The following CLGN variants were observed in gnomAD, a reference collection of about 807,000 sequenced individuals.
The protein encoded by CLGN is calmegin, also known as testis tissue sperm-binding protein Li 79P.
A neutral mutation model predicts 79.1 loss-of-function variants in CLGN; 62 were observed. That is an observed-to-expected ratio of 0.78 (90% CI 0.64 to 0.97). CLGN has a LOEUF of 0.97. Among genes scored for constraint, CLGN ranks in the 50% least tolerant of loss-of-function variants. The probability of loss-of-function intolerance (pLI) is 0.00; values close to 1 mark genes in which losing one functional copy is unlikely to be tolerated. For synonymous variants in CLGN, 225 were observed against 224.7 expected (o/e 1.00, Z -0.01); for missense variants, 647 against 715.5 (o/e 0.90, Z 1.09).
At chr4:140,405,217 C>T (rs1471548087) in intron 5 of CLGN, among the ~76,000 whole-genome samples, 2 of 134,372 alleles carry the variant, frequency 1.5e-5, no homozygotes, top group Non-Finnish European at 3.1e-5. Flanking sequence ...CGGAGTCTCG[C>T]TCTGTCGCCC....
At chr4:140,418,927 A>C (rs1729402690) in intron 1 of CLGN, among the ~76,000 whole-genome samples, 3 of 152,336 alleles carry the variant, frequency 2.0e-5, no homozygotes, top group South Asian at 4.1e-4. Flanking sequence ...GGCATTATTC[A>C]CAATAGCAAA....
intron 3 of CLGN, among the ~76,000 whole-genome samples, chr4:140,410,172 G>A (rs534064432): frequency 6.4e-4 from 98 of 151,986 alleles, no homozygotes; most frequent in African/African-American, 2.2e-3. Context: ...ATTAAATATG[G>A]TAATTATCTA....
At position 140,417,049 on chromosome 4, in the gene CLGN, C is replaced by T. The variant is rs1193230096; in HGVS notation, c.-9-3962G>A. Among the ~76,000 whole-genome samples, 462 of 150,152 alleles carry T rather than the reference C, an allele frequency of 3.1e-3. 1 individual carries two copies. Among genetic ancestry groups the T allele is most frequent in the Non-Finnish European group, 5.4e-3 (366 of 67,410 alleles). On this transcript the variant is annotated intron_variant, in intron 1 of 14. Transcript: ENST00000325617. ...TGGGATGCAAGGCTGGTTCAATATA[C>T]GCAAATCAATAAATGTAATCCAGCA...
At chr4:140,416,491 T>A (rs1158834487) in intron 1 of CLGN, among the ~76,000 whole-genome samples, 1 of 152,060 alleles carries the variant, frequency 6.6e-6, no homozygotes, top group East Asian at 1.9e-4. Context: ...AAGAATCTAA[T>A]AGACGCAGCA....
chr4:140,392,264 G>A lies in CLGN; in HGVS notation c.1606C>T (p.Leu536=), dbSNP rs1728787287. ...EKAALEKPMD[L]EEEKKQNDGE... Reference sequence around the variant, plus strand: ...TCATTTTGCTTTTTTTCCTCTTCCAGGTCCATTGGTTTTTCCAGGGCTGCT... The same window carrying A: ...TCATTTTGCTTTTTTTCCTCTTCCAAGTCCATTGGTTTTTCCAGGGCTGCT... Residue 536 remains leucine (L), a synonymous_variant, in exon 13 of 15, where the codon CTG becomes TTG. Transcript: ENST00000325617. 1.9e-5 allele frequency: 30 copies of A among 1,612,218 alleles called. No individual in the cohort carries two copies. The highest frequency in any genetic ancestry group is 2.0e-5 in the Non-Finnish European group (24 of 1,179,466).
At chr4:140,412,060 A>C (rs1170466923) in intron 2 of CLGN, among the ~76,000 whole-genome samples, 1 of 152,138 alleles carries the variant, frequency 6.6e-6, no homozygotes, top group Non-Finnish European at 1.5e-5. Context: ...TATCCAAGTC[A>C]GTAATTATTA....
intron 8 of CLGN, among the ~76,000 whole-genome samples, chr4:140,397,702 G>A (rs912232335): frequency 2.0e-5 from 3 of 152,006 alleles, no homozygotes; most frequent in East Asian, 1.9e-4. Context: ...TCGGGAGTTC[G>A]AGACCAGCCT....
intron 4 of CLGN, among the ~76,000 whole-genome samples, chr4:140,408,744 A>G (rs1729153937): frequency 6.6e-6 from 1 of 151,832 alleles, no homozygotes; most frequent in Non-Finnish European, 1.5e-5. Flanking sequence ...TACAGCCTCT[A>G]TGGAAAACAG....
chr4:140,389,177 A>G lies in CLGN; in HGVS notation c.*47T>C. On this transcript the variant is annotated 3_prime_UTR_variant, in exon 15 of 15. Coordinates refer to ENST00000325617, the MANE Select transcript of CLGN (RefSeq NM_004362.3). ...GTTCAGGTCTGGCATGCTGATTTTT[A>G]CAATGCCAAACATCCCTCTCGGGAA... The G allele has an allele frequency of 6.7e-7, 1 of 1,502,830 alleles. No individual in the cohort carries two copies. Among genetic ancestry groups the G allele is most frequent in the Non-Finnish European group, 9.3e-7 (1 of 1,080,562 alleles). The allele number at this position is 1,502,830 out of a possible 1,614,324, so 93.1% of individuals were successfully genotyped here. A position where few individuals can be genotyped will look rare whatever the true frequency, so the allele number is the denominator to read the frequency against.
In CLGN at chr4:140,392,612, A is replaced by T. The variant is rs762982679; in HGVS notation, c.1465T>A (p.Ser489Thr). Residue 489 changes from serine (S) to threonine (T), a missense_variant, in exon 12 of 15, where the codon TCA becomes ACA. Ser to Thr is a moderately conservative substitution (Grantham distance 58). Coordinates refer to ENST00000325617, the MANE Select transcript of CLGN (RefSeq NM_004362.3). ...TAGVPIALIT[S>T]FCWPRKVKKK... ...TTTACTTTTCTTGGCCAACAAAATG[A>T]AGTAATTAATGCTATTGGCACTCCT... 5 of 1,601,084 alleles carry T rather than the reference A, an allele frequency of 3.1e-6. No individual in the cohort carries two copies. The Admixed American group carries it at 8.9e-5, about 28-fold the overall frequency.
chr4:140,419,805 G>C (rs1729428740), intron 1 of CLGN, among the ~76,000 whole-genome samples: 1 of 152,096 alleles, frequency 6.6e-6, no homozygotes, highest in African/African-American at 2.4e-5. Flanking sequence ...GTATAACTGG[G>C]ATAGGAAGTA....
chr4:140,396,907 GTATA>G (rs10640037), intron 8 of CLGN, among the ~76,000 whole-genome samples: 6 of 117,348 alleles, frequency 5.1e-5, no homozygotes, highest in African/African-American at 1.7e-4. Flanking sequence ...ATATATATAT[GTATA>G]TATATATATA....
At chr4:140,416,816 T>C (rs377727226) in intron 1 of CLGN, among the ~76,000 whole-genome samples, 2,750 of 151,630 alleles carry the variant, frequency 0.018, 88 homozygotes, top group African/African-American at 0.063. Context: ...TTCCAATCAA[T>C]AGAAAAAGAG....
At chr4:140,396,922 T>TAC (rs1179907837) in intron 8 of CLGN, among the ~76,000 whole-genome samples, 60 of 127,790 alleles carry the variant, frequency 4.7e-4, no homozygotes, top group East Asian at 1.7e-3. Context: ...TATATATATA[T>TAC]ACACATATAT....
rs374074309 is a variant in CLGN, at chr4:140,400,419, T to G, written c.632A>C (p.Lys211Thr). The change falls in exon 7 of 15, where the codon AAA (lysine) becomes ACA (threonine). Residue 211 changes from lysine to threonine, a missense_variant. By Grantham distance (78) the Lys-to-Thr change is moderately conservative (BLOSUM62 -1). Transcript: ENST00000325617. Reference sequence around the variant, plus strand: ...CTTTTTAAGGTCTACATCTGGAGGTTTGGCATGTTTCTCTTCGAAAACTCC... The same window carrying G: ...CTTTTTAAGGTCTACATCTGGAGGTGTGGCATGTTTCTCTTCGAAAACTCC... Reference protein sequence around the residue: ...KTGVFEEKHAKPPDVDLKKFF... With the variant: ...KTGVFEEKHATPPDVDLKKFF... 2.5e-6 allele frequency: 4 copies of G among 1,613,332 alleles called. No individual in the cohort carries two copies. The highest frequency in any genetic ancestry group is 3.4e-6 in the Non-Finnish European group (4 of 1,179,548).
intron 1 of CLGN, among the ~76,000 whole-genome samples, chr4:140,425,261 A>C (rs1729542704): frequency 6.6e-6 from 1 of 152,170 alleles, no homozygotes; most frequent in Non-Finnish European, 1.5e-5. Context: ...ATAATTATGA[A>C]TTATAATTCT....
chr4:140,407,769 C>T (rs558571543), intron 4 of CLGN, among the ~76,000 whole-genome samples: 2 of 152,052 alleles, frequency 1.3e-5, no homozygotes, highest in South Asian at 4.2e-4. Context: ...CCAAAGCCAT[C>T]TACAGATTCA....
rs1728791066 is a variant in CLGN at position 140,392,365 on chromosome 4, T to A, written c.1505A>T (p.Asp502Val). 6.3e-7 allele frequency: 1 copy of A among 1,590,828 alleles called. No individual in the cohort carries two copies. The highest frequency in any genetic ancestry group is 8.5e-7 in the Non-Finnish European group (1 of 1,173,544). ...WPRKVKKKHK[D>V]TEYKKTDICI... The stretch of plus-strand genomic sequence containing the variant: ...TATGTCGGTTTTTTTATACTCTGTA[T>A]CTTTATGTTTTTTCTGTGGTAGTTA... The change falls in exon 13 of 15, where the codon GAT becomes GTT. Residue 502 changes from aspartate to valine, a missense_variant. Coordinates refer to ENST00000325617, the MANE Select transcript of CLGN (RefSeq NM_004362.3).
chr4:140,415,378 A>G (rs1397834519), intron 1 of CLGN, among the ~76,000 whole-genome samples: 1 of 150,574 alleles, frequency 6.6e-6, no homozygotes, highest in African/African-American at 2.4e-5. Flanking sequence ...AATGGACTAA[A>G]TGCTCCAATT....
Sources: gnomAD v4.1 joint callset for allele counts (sites outside exome capture counted in the v4.1 genomes callset) on GRCh38, gnomAD v4.1.1 for gene constraint, MANE v1.5 for transcripts, NCBI Gene and HGNC (gene_info 2026-07-23, HGNC 2026-07-21) for gene names.